The following GRID2 variants were observed in gnomAD, a reference collection of about 807,000 sequenced individuals.
GRID2 encodes the protein glutamate ionotropic receptor delta type subunit 2.
Under a neutral mutation model 114.8 loss-of-function variants are expected in GRID2, and 33 were observed. The observed-to-expected ratio is 0.29, with a 90% CI of 0.22 to 0.38. The LOEUF is 0.38. GRID2 is among the 10% of genes least tolerant of loss of function. GRID2 has a pLI of 1.00. For missense variants in GRID2, 1,184 were observed against 1,257.7 expected, an observed-to-expected ratio of 0.94 and a Z score of 0.89; for synonymous variants, 505 against 449.9, an observed-to-expected ratio of 1.12 and a Z score of -1.55.
intron 2 of GRID2, among the ~76,000 whole-genome samples, chr4:93,080,219 A>C (rs1160431848): frequency 2.0e-5 from 3 of 152,138 alleles, no homozygotes; most frequent in Non-Finnish European, 4.4e-5. Flanking sequence ...TTTTTGGTGG[A>C]ATATTAAAAA....
chr4:92,907,167 T>C (rs1351424576), intron 2 of GRID2, among the ~76,000 whole-genome samples: 4 of 152,180 alleles, frequency 2.6e-5, no homozygotes, highest in Non-Finnish European at 5.9e-5. Context: ...CAGATCATTC[T>C]TTACATTTTA....
At chr4:93,485,229 C>G (rs867743952) in intron 11 of GRID2, among the ~76,000 whole-genome samples, 5 of 151,604 alleles carry the variant, frequency 3.3e-5, no homozygotes, top group African/African-American at 1.2e-4. Context: ...AACCACCTAT[C>G]CATTTTTCTG....
chr4:92,403,763 T>C (rs1201799237), intron 1 of GRID2, among the ~76,000 whole-genome samples: 4 of 151,972 alleles, frequency 2.6e-5, no homozygotes, highest in Non-Finnish European at 5.9e-5. Flanking sequence ...CATGTCACTC[T>C]TCCTATCACT....
chr4:92,435,961 G>C (rs560938297), intron 1 of GRID2, among the ~76,000 whole-genome samples: 2 of 152,090 alleles, frequency 1.3e-5, no homozygotes, highest in Non-Finnish European at 2.9e-5. Context: ...ATCTGAGATT[G>C]TTTGGTATAG....
At chr4:93,778,965 A>G (rs952955502), downstream of GRID2, among the ~76,000 whole-genome samples, 1 of 152,174 alleles carries the variant, frequency 6.6e-6, no homozygotes, top group Non-Finnish European at 1.5e-5. Flanking sequence ...GTAATTCTGC[A>G]TGACTAAACA....
At chr4:93,416,774 C>T (rs1410967143) in intron 9 of GRID2, among the ~76,000 whole-genome samples, 4 of 152,064 alleles carry the variant, frequency 2.6e-5, no homozygotes, top group Non-Finnish European at 4.4e-5. Context: ...GATTCAGAAT[C>T]ATGAAGTTAT....
At chr4:93,529,002 T>C (rs939791997) in intron 13 of GRID2, among the ~76,000 whole-genome samples, 1 of 152,170 alleles carries the variant, frequency 6.6e-6, no homozygotes, top group East Asian at 1.9e-4. Context: ...AGCTGATTAG[T>C]GTCAATATTT....
chr4:92,807,737 T>C (rs1740485105), intron 2 of GRID2, among the ~76,000 whole-genome samples: 1 of 151,938 alleles, frequency 6.6e-6, no homozygotes, highest in South Asian at 2.1e-4. Flanking sequence ...GGGTAGGATA[T>C]CATTATAACA....
At chr4:92,466,269 A>C (rs1217220722) in intron 1 of GRID2, among the ~76,000 whole-genome samples, 1 of 151,890 alleles carries the variant, frequency 6.6e-6, no homozygotes, top group African/African-American at 2.4e-5. Flanking sequence ...AAACTATATA[A>C]TATATTAATG....
intron 4 of GRID2, among the ~76,000 whole-genome samples, chr4:93,185,057 G>A (rs1295197610): frequency 6.6e-6 from 1 of 152,188 alleles, no homozygotes; most frequent in South Asian, 2.1e-4. Context: ...ATTAGTTAGT[G>A]TTAAGAAAAT....
At chr4:93,271,250 A>G (rs1244336498) in intron 8 of GRID2, among the ~76,000 whole-genome samples, 2 of 152,144 alleles carry the variant, frequency 1.3e-5, no homozygotes, top group Non-Finnish European at 2.9e-5. Flanking sequence ...AAGCTAGCAA[A>G]CTGGTAGAAT....
chr4:93,089,923 A>G (rs1730633557), intron 3 of GRID2, among the ~76,000 whole-genome samples: 1 of 152,050 alleles, frequency 6.6e-6, no homozygotes, highest in African/African-American at 2.4e-5. Context: ...TCAAGTGAAT[A>G]CCCTATGTGT....
chr4:93,131,917 G>A (rs1734841424), intron 4 of GRID2, among the ~76,000 whole-genome samples: 1 of 152,172 alleles, frequency 6.6e-6, no homozygotes, highest in East Asian at 1.9e-4. Context: ...CTTAAACCGG[G>A]TCTCCTAGAA....
At chr4:93,393,096 T>G (rs1765005724) in intron 8 of GRID2, among the ~76,000 whole-genome samples, 1 of 152,052 alleles carries the variant, frequency 6.6e-6, no homozygotes, top group South Asian at 2.1e-4. Context: ...TTATCATATG[T>G]GATAAGAGAA....
At chr4:93,432,862 C>A (rs1580069624) in intron 10 of GRID2, among the ~76,000 whole-genome samples, 2 of 151,922 alleles carry the variant, frequency 1.3e-5, no homozygotes, top group African/African-American at 4.8e-5. Flanking sequence ...AGGAGTTTGA[C>A]ACCAATCTGA....
At chr4:92,348,863 G>C (rs1727919014) in intron 1 of GRID2, among the ~76,000 whole-genome samples, 1 of 152,094 alleles carries the variant, frequency 6.6e-6, no homozygotes. Flanking sequence ...TTTAATAGCA[G>C]AGGGTAGATA....
intron 2 of GRID2, among the ~76,000 whole-genome samples, chr4:92,961,928 C>T (rs113659047): frequency 0.02 from 3,045 of 151,682 alleles, 43 homozygotes; most frequent in East Asian, 0.053. Context: ...AGGTAGTCTT[C>T]TCTCAACCAT....
chr4:92,640,224 GAAAGA>G (rs1160838845), intron 2 of GRID2, among the ~76,000 whole-genome samples: 1 of 151,726 alleles, frequency 6.6e-6, no homozygotes, highest in Non-Finnish European at 1.5e-5. Context: ...AGAGATACAT[GAAAGA>G]AAAGAAAGTG....
chr4:92,696,195 A>G lies in GRID2; in HGVS notation c.244+105909A>G, dbSNP rs369613769. On this transcript the variant is annotated intron_variant, in intron 2 of 15. Transcript: ENST00000282020. ...ATAAACCCCATTACAGTCTAAGATAAGGACACCAGATACTGCCCTAGTTTC... is the reference window on the plus strand; with the variant it reads ...ATAAACCCCATTACAGTCTAAGATAGGGACACCAGATACTGCCCTAGTTTC... Among the ~76,000 whole-genome samples, 9 of 152,252 alleles carry G rather than the reference A, an allele frequency of 5.9e-5. No individual in the cohort carries two copies. In the East Asian group the frequency reaches 1.5e-3, roughly 26 times the overall value.
Sources: gnomAD v4.1 joint callset for allele counts (sites outside exome capture counted in the v4.1 genomes callset) on GRCh38, gnomAD v4.1.1 for gene constraint, MANE v1.5 for transcripts, NCBI Gene and HGNC (gene_info 2026-07-23, HGNC 2026-07-21) for gene names.